The following CORO2A variants were observed in gnomAD, a reference collection of about 807,000 sequenced individuals.
CORO2A encodes the protein coronin-2A.
CORO2A carries 47 observed loss-of-function variants against 62.4 expected under a neutral mutation model. The ratio of observed to expected loss-of-function variants is 0.75; its 90% CI spans 0.60 to 0.96. The LOEUF is 0.96. Among genes scored for constraint, CORO2A ranks in the 40% least tolerant of loss-of-function variants. The pLI is 0.00. For synonymous variants in CORO2A, 273 were observed against 268.9 expected (o/e 1.02, Z -0.15); for missense variants, 610 against 684.1 (o/e 0.89, Z 1.21).
intron 1 of CORO2A, among the ~76,000 whole-genome samples, chr9:98,186,482 T>G (rs867003998): frequency 6.6e-6 from 1 of 152,128 alleles, no homozygotes; most frequent in Admixed American, 6.5e-5. Context: ...ATGGGAATGA[T>G]AGTACAAAAA....
intron 1 of CORO2A, among the ~76,000 whole-genome samples, chr9:98,189,953 C>T (rs1317795282): frequency 6.6e-6 from 1 of 151,832 alleles, no homozygotes; most frequent in Non-Finnish European, 1.5e-5. Flanking sequence ...GGCACAATCT[C>T]GGCTCACTGC....
At chr9:98,171,150 C>T (rs1019319793) in intron 1 of CORO2A, among the ~76,000 whole-genome samples, 2 of 152,258 alleles carry the variant, frequency 1.3e-5, no homozygotes, top group Non-Finnish European at 2.9e-5. Context: ...GCTCCACTCC[C>T]TGCTCACTGT....
chr9:98,158,205 G>A (rs1409231054), intron 1 of CORO2A, among the ~76,000 whole-genome samples: 1 of 152,174 alleles, frequency 6.6e-6, no homozygotes, highest in African/African-American at 2.4e-5. Context: ...CAGCATTTTG[G>A]GAGGCCAAGG....
intron 1 of CORO2A, among the ~76,000 whole-genome samples, chr9:98,169,980 G>A (rs1308259853): frequency 6.6e-6 from 1 of 152,126 alleles, no homozygotes; most frequent in Non-Finnish European, 1.5e-5. Context: ...TGGGGAGGTA[G>A]CCAAAGGCAG....
chr9:98,166,791 G>C (rs1390430707), intron 1 of CORO2A, among the ~76,000 whole-genome samples: 1 of 152,022 alleles, frequency 6.6e-6, no homozygotes, highest in South Asian at 2.1e-4. Flanking sequence ...ACAGATGAAC[G>C]GATCAGTAAA....
chr9:98,189,122 C>T (rs1828274851), intron 1 of CORO2A, among the ~76,000 whole-genome samples: 1 of 152,164 alleles, frequency 6.6e-6, no homozygotes, highest in African/African-American at 2.4e-5. Flanking sequence ...TTAGGCTGAA[C>T]CAAATGAAAT....
chr9:98,151,631 C>T (rs1310640748), intron 2 of CORO2A, among the ~76,000 whole-genome samples: 1 of 151,930 alleles, frequency 6.6e-6, no homozygotes, highest in Non-Finnish European at 1.5e-5. Context: ...TTATTTCTTC[C>T]TTTTCCATCC....
intron 1 of CORO2A, among the ~76,000 whole-genome samples, chr9:98,186,875 C>A (rs1828245446): frequency 6.6e-6 from 1 of 152,184 alleles, no homozygotes; most frequent in South Asian, 2.1e-4. Flanking sequence ...TCCCCTAGCA[C>A]TGAGCTCACT....
intron 2 of CORO2A, among the ~76,000 whole-genome samples, chr9:98,152,061 C>A (rs1045201927): frequency 6.6e-6 from 1 of 151,774 alleles, no homozygotes; most frequent in Non-Finnish European, 1.5e-5. Context: ...AGATGATCCA[C>A]CTGCCTTGGC....
At chr9:98,130,888 C>T in intron 7 of CORO2A, 67 bp downstream of exon 7, 1 of 1,331,456 alleles carries the variant, frequency 7.5e-7, no homozygotes, top group Admixed American at 1.9e-5. Flanking sequence ...TTCCCAATGG[C>T]CCCAGGCTGC....
At chr9:98,145,452 C>A (rs1011721854) in intron 2 of CORO2A, among the ~76,000 whole-genome samples, 14 of 152,128 alleles carry the variant, frequency 9.2e-5, no homozygotes, top group Non-Finnish European at 1.9e-4. Context: ...GATGAACAAA[C>A]CCCTAGAACT....
chr9:98,185,549 G>A (rs754592164), intron 1 of CORO2A, among the ~76,000 whole-genome samples: 5 of 152,162 alleles, frequency 3.3e-5, no homozygotes, highest in Non-Finnish European at 7.3e-5. Flanking sequence ...CTGGAGGCTC[G>A]TATCTGATTT....
At chr9:98,163,711 G>GGTGTGTGTGTGT (rs72256502) in intron 1 of CORO2A, among the ~76,000 whole-genome samples, 3 of 138,794 alleles carry the variant, frequency 2.2e-5, no homozygotes, top group Non-Finnish European at 4.6e-5. Context: ...ATACATGCGG[G>GGTGTGTGTGTGT]GTGTGTGTGT....
intron 2 of CORO2A, among the ~76,000 whole-genome samples, chr9:98,143,531 C>CA (rs1827603527): frequency 6.6e-6 from 1 of 152,186 alleles, no homozygotes; most frequent in Non-Finnish European, 1.5e-5. Context: ...TACCATGGTG[C>CA]AGCCTTGGGC....
chr9:98,161,850 C>T (rs1457367249), intron 1 of CORO2A, among the ~76,000 whole-genome samples: 1 of 151,988 alleles, frequency 6.6e-6, no homozygotes, highest in African/African-American at 2.4e-5. Flanking sequence ...CCTTCCGGAC[C>T]CTCTGAGCTG....
intron 2 of CORO2A, among the ~76,000 whole-genome samples, chr9:98,156,986 G>A (rs954587918): frequency 2.6e-5 from 4 of 152,134 alleles, no homozygotes; most frequent in African/African-American, 9.7e-5. Flanking sequence ...CAAACCAGTT[G>A]AATATCCACA....
intron 1 of CORO2A, among the ~76,000 whole-genome samples, chr9:98,182,952 A>C (rs968218998): frequency 6.6e-6 from 1 of 152,260 alleles, no homozygotes; most frequent in Non-Finnish European, 1.5e-5. Flanking sequence ...GAAATACCGC[A>C]GTAGCTTAGA....
chr9:98,132,985 C>G, intron 5 of CORO2A, 53 bp downstream of exon 5: 1 of 1,595,420 alleles, frequency 6.3e-7, no homozygotes, highest in Admixed American at 1.7e-5. Context: ...TCTCTGTCCC[C>G]ACTCTGCTCC....
chr9:98,179,525 C>T (rs1184059746), intron 1 of CORO2A, among the ~76,000 whole-genome samples: 1 of 152,208 alleles, frequency 6.6e-6, no homozygotes, highest in African/African-American at 2.4e-5. Context: ...TGGTAGATGG[C>T]AGCATCCTCT....
Sources: gnomAD v4.1 joint callset for allele counts (sites outside exome capture counted in the v4.1 genomes callset) on GRCh38, gnomAD v4.1.1 for gene constraint, MANE v1.5 for transcripts, NCBI Gene and HGNC (gene_info 2026-07-23, HGNC 2026-07-21) for gene names.